Variants in CA12 observed in about 807,000 individuals in gnomAD.
CA12 encodes the protein carbonic anhydrase 12, also known as carbonate dehydratase XII.
A neutral mutation model predicts 46.8 loss-of-function variants in CA12; 36 were observed. That is an observed-to-expected ratio of 0.77 (90% CI 0.59 to 1.02). The LOEUF is 1.02. CA12 is among the 50% of genes least tolerant of loss of function. The pLI, the probability that CA12 is intolerant of heterozygous loss-of-function variation, is 0.00. For missense variants in CA12, 436 were observed against 451.4 expected, an observed-to-expected ratio of 0.97 and a Z score of 0.31; for synonymous variants, 202 against 187.0, an observed-to-expected ratio of 1.08 and a Z score of -0.65.
At chr15:63,381,596 C>A (rs200074983) in intron 1 of CA12, 40 bp downstream of exon 1, 40 of 1,548,044 alleles carry the variant, frequency 2.6e-5, no homozygotes, top group Non-Finnish European at 3.4e-5. Flanking sequence ...GGCGGCTGAG[C>A]GCTCAGGAGT....
In CA12 at chr15:63,326,483, A is replaced by C. The variant is rs534119301; in HGVS notation, c.993-126T>G. 1.9e-5 allele frequency: 14 copies of C among 749,420 alleles called. No homozygotes were observed. In the African/African-American group the frequency reaches 2.4e-4, roughly 13 times the overall value. 46.4% of individuals were successfully genotyped at this position (749,420 alleles called of 1,614,324 possible). A position where few individuals can be genotyped will look rare whatever the true frequency, so the allele number is the denominator to read the frequency against. On this transcript the variant is annotated intron_variant, in intron 10 of 10. Coordinates refer to ENST00000178638, the MANE Select transcript of CA12 (RefSeq NM_001218.5). ...ATTCCTCTCTTTGGGACCTTTCCCC[A>C]ATTCTGTTGGTCTTGGGAGGGAGTG...
chr15:63,351,245 G>C (rs1359733549), intron 2 of CA12, among the ~76,000 whole-genome samples: 2 of 152,188 alleles, frequency 1.3e-5, no homozygotes, highest in Non-Finnish European at 2.9e-5. Context: ...GCCCTTAGTG[G>C]GTCATGGACT....
chr15:63,350,435 C>T (rs2039214243), intron 2 of CA12, among the ~76,000 whole-genome samples: 1 of 152,242 alleles, frequency 6.6e-6, no homozygotes, highest in African/African-American at 2.4e-5. Context: ...GCATTTATTT[C>T]CAGCTAAAAC....
chr15:63,326,555 C>G (rs750059088), intron 10 of CA12, among the ~76,000 whole-genome samples, 198 bp from the exon 11 acceptor site: 11 of 152,180 alleles, frequency 7.2e-5, no homozygotes, highest in Non-Finnish European at 1.6e-4. Flanking sequence ...CGTTTTCCAA[C>G]TGTTCTCTTT....
intron 2 of CA12, 137 bp from the exon 3 acceptor site, chr15:63,346,846 A>C: frequency 1.0e-6 from 1 of 998,410 alleles, no homozygotes; most frequent in South Asian, 1.4e-5. Flanking sequence ...CAAGGCTCAG[A>C]GTCTTGGCCT....
intron 2 of CA12, among the ~76,000 whole-genome samples, chr15:63,359,065 G>C (rs2039328036): frequency 6.6e-6 from 1 of 151,564 alleles, no homozygotes; most frequent in African/African-American, 2.4e-5. Flanking sequence ...TTTGTTGTTG[G>C]CCCCTTCTCC....
Position 63,348,759 on chromosome 15 carries a change from G to C in CA12, c.107-2050C>G, listed in dbSNP as rs2039186687. 1.3e-5 allele frequency among the ~76,000 whole-genome samples: 2 copies of C among 152,220 alleles called. No individual in the cohort carries two copies. The highest frequency in any genetic ancestry group is 1.3e-4 in the Admixed American group (2 of 15,284). ...GCATTTTACTGATAGCTAAACGAGA[G>C]CCTCGTGAAGATAGGGACCCCTCAT... is the stretch of plus-strand genomic sequence containing the variant. On this transcript the variant is annotated intron_variant, in intron 2 of 10. Transcript: ENST00000178638. This position sits in a 1 kb window ranked among gnomAD's most constrained non-coding sequence, Gnocchi z 4.6.
rs2038901229 is a variant in CA12 at position 63,328,824 on chromosome 15, C to T, written c.875-694G>A. On this transcript the variant is annotated intron_variant, in intron 8 of 10. Coordinates refer to ENST00000178638, the MANE Select transcript of CA12 (RefSeq NM_001218.5). The surrounding 1 kb of genome is among the most constrained non-coding windows in gnomAD (Gnocchi z 5.9). Reference sequence around the variant, plus strand: ...CAAGCAATTCTCATGCCTCAGCCTCCCGAGCAGCTGGGACTGCAGGCGTGC... The same window carrying T: ...CAAGCAATTCTCATGCCTCAGCCTCTCGAGCAGCTGGGACTGCAGGCGTGC... Among the ~76,000 whole-genome samples, 1 of 152,152 alleles carries T rather than the reference C, an allele frequency of 6.6e-6. No homozygotes were observed. Among genetic ancestry groups the T allele is most frequent in the Admixed American group, 6.5e-5 (1 of 15,282 alleles).
At chr15:63,370,168 A>T (rs2039484731) in intron 2 of CA12, among the ~76,000 whole-genome samples, 1 of 152,216 alleles carries the variant, frequency 6.6e-6, no homozygotes, top group African/African-American at 2.4e-5. Context: ...TGCTGGTATG[A>T]AAAACATGTC....
chr15:63,340,078 A>G lies in CA12; in HGVS notation c.747+210T>C. The G allele has an allele frequency of 1.6e-6, 1 of 617,910 alleles. No individual in the cohort carries two copies. Among genetic ancestry groups the G allele is most frequent in the Non-Finnish European group, 2.9e-6 (1 of 349,332 alleles). The allele number at this position is 617,910 out of a possible 1,614,324, so 38.3% of individuals were successfully genotyped here. A position where few individuals can be genotyped will look rare whatever the true frequency, so the allele number is the denominator to read the frequency against. On this transcript the variant is annotated intron_variant, in intron 7 of 10. Coordinates refer to ENST00000178638, the MANE Select transcript of CA12 (RefSeq NM_001218.5). This position sits in a 1 kb window ranked among gnomAD's most constrained non-coding sequence, Gnocchi z 4.4. ...GAGCTCTTTTTTTTAAAAAAGAACT[A>G]GGAGACATCTATTCATTTGCCTAGC...
At position 63,325,490 on chromosome 15, in the gene CA12, G is replaced by A. The variant is rs1567038922; in HGVS notation, c.*795C>T. On this transcript the variant is annotated 3_prime_UTR_variant, in exon 11 of 11. Transcript: ENST00000178638. This position sits in a 1 kb window ranked among gnomAD's most constrained non-coding sequence, Gnocchi z 4.9. Reference sequence around the variant, plus strand: ...TTGTATTATTCTGTCCTTACATTATGGCTTGATAAACAGAATGTGATTCCA... The same window carrying A: ...TTGTATTATTCTGTCCTTACATTATAGCTTGATAAACAGAATGTGATTCCA... 6.6e-6 allele frequency: 1 copy of A among 152,454 alleles called. No individual in the cohort carries two copies. Among genetic ancestry groups the A allele is most frequent in the Non-Finnish European group, 1.5e-5 (1 of 68,320 alleles). The allele number at this position is 152,454 out of a possible 1,614,324, so 9.4% of individuals were successfully genotyped here. A position where few individuals can be genotyped will look rare whatever the true frequency, so the allele number is the denominator to read the frequency against.
chr15:63,346,415 A>ACCCCCCC, intron 3 of CA12, 115 bp downstream of exon 3: 1 of 370,884 alleles, frequency 2.7e-6, no homozygotes, highest in Non-Finnish European at 5.5e-6. Context: ...GCCCCGCCCC[A>ACCCCCCC]CCCCTCCTCC....
chr15:63,358,317 A>G (rs2039317880), intron 2 of CA12, among the ~76,000 whole-genome samples: 1 of 152,234 alleles, frequency 6.6e-6, no homozygotes. Flanking sequence ...TATTTGTGAC[A>G]AGCTCTTGAG....
At chr15:63,367,340 C>A (rs1244134943) in intron 2 of CA12, among the ~76,000 whole-genome samples, 1 of 152,216 alleles carries the variant, frequency 6.6e-6, no homozygotes, top group Non-Finnish European at 1.5e-5. Flanking sequence ...GTAAACACTG[C>A]CTCATACTTG....
In CA12 at chr15:63,341,206, GAC is replaced by G. The variant is rs2039074750; in HGVS notation, c.526-425_526-424del. ...AAAAAAACATGCAAGCCAATCAGAA[GAC>G]ATTCCTCTATCTTGGGATAAAAAAA... On this transcript the variant is annotated intron_variant, in intron 5 of 10. Transcript: ENST00000178638. This position sits in a 1 kb window ranked among gnomAD's most constrained non-coding sequence, Gnocchi z 5.2. Among the ~76,000 whole-genome samples, 2 of 152,146 alleles carry G rather than the reference GAC, an allele frequency of 1.3e-5. No homozygotes were observed. Among genetic ancestry groups the G allele is most frequent in the Non-Finnish European group, 1.5e-5 (1 of 68,020 alleles).
chr15:63,365,896 T>A (rs1420233103), intron 2 of CA12, among the ~76,000 whole-genome samples: 2 of 152,094 alleles, frequency 1.3e-5, no homozygotes, highest in Non-Finnish European at 2.9e-5. Context: ...CTCAGCACTT[T>A]GGGAGGGCAA....
chr15:63,327,604 T>C lies in CA12; in HGVS notation c.908-371A>G, dbSNP rs2038884816. On this transcript the variant is annotated intron_variant, in intron 9 of 10. Transcript: ENST00000178638. The surrounding 1 kb of genome is among the most constrained non-coding windows in gnomAD (Gnocchi z 4.5). The stretch of plus-strand genomic sequence containing the variant: ...GCCAAATACTTACAGCTGATACTGA[T>C]GCACGTGGTCCAAGAACCACACTTT... Among the ~76,000 whole-genome samples the C allele has an allele frequency of 6.6e-6, 1 of 151,978 alleles. No individual in the cohort carries two copies. The highest frequency in any genetic ancestry group is 2.4e-5 in the African/African-American group (1 of 41,372).
chr15:63,326,811 A>T (rs2038872851), intron 10 of CA12, among the ~76,000 whole-genome samples: 1 of 152,238 alleles, frequency 6.6e-6, no homozygotes, highest in Non-Finnish European at 1.5e-5. Flanking sequence ...ACCAAAAAGC[A>T]TATGTAAAGA....
At chr15:63,369,448 A>G (rs1039870763) in intron 2 of CA12, among the ~76,000 whole-genome samples, 4 of 152,192 alleles carry the variant, frequency 2.6e-5, no homozygotes, top group Non-Finnish European at 4.4e-5. Context: ...ATCTTATTTG[A>G]TCCTTACCAC....
Sources: allele counts gnomAD v4.1 joint callset (sites outside exome capture counted in the v4.1 genomes callset), GRCh38; gene constraint gnomAD v4.1.1; non-coding constraint Gnocchi (gnomAD v3.1); transcripts MANE v1.5; gene names NCBI Gene and HGNC (gene_info 2026-07-23, HGNC 2026-07-21).